Variants in EPHA10 observed in about 807,000 individuals in gnomAD.
The protein encoded by EPHA10 is EPH receptor A10, also known as ephrin type-A receptor 10.
In EPHA10, 120 loss-of-function variants were observed where a neutral mutation model predicts 109.7. The ratio of observed to expected loss-of-function variants is 1.09; its 90% confidence interval spans 0.94 to 1.27. The LOEUF is 1.27. EPHA10 is among the 50% of genes most tolerant of loss of function. EPHA10 has a pLI of 0.00. For synonymous variants in EPHA10, 640 were observed against 618.9 expected (o/e 1.03, Z -0.51); for missense variants, 1,396 against 1,411.1 (o/e 0.99, Z 0.17).
chr1:37,730,040 C>T lies in EPHA10; in HGVS notation c.1663+1371G>A, dbSNP rs189583998. ...GAGACCATCAGCCCTTCTCCACTGA[C>T]GGTCCCCAGCTCCTGCCCCCACTAC... On this transcript the variant is annotated intron_variant, in intron 7 of 16. Transcript: ENST00000373048. 5.5e-3 allele frequency among the ~76,000 whole-genome samples: 834 copies of T among 152,228 alleles called. 29 individuals carry two copies. Among genetic ancestry groups the T allele is most frequent in the Admixed American group, 0.051 (778 of 15,294 alleles).
chr1:37,735,362 C>T lies in EPHA10; in HGVS notation c.1386G>A (p.Arg462=). The T allele has an allele frequency of 1.3e-6, 2 of 1,578,924 alleles. No homozygotes were observed. Among genetic ancestry groups the T allele is most frequent in the Non-Finnish European group, 1.7e-6 (2 of 1,162,372 alleles). ...GAPWEEDEIR[R]DRVEPQSVSL... is the part of the protein sequence containing the mutation. The stretch of plus-strand genomic sequence containing the variant: ...ACACGCTCTGGGGTTCCACTCGGTC[C>T]CTGCGGATCTCATCCTCCTCCCAGG... The change falls in exon 6 of 17, where the codon AGG becomes AGA. Residue 462 remains arginine (R), a synonymous_variant. Transcript: ENST00000373048.
At chr1:37,751,670 G>C (rs1271938089) in intron 5 of EPHA10, among the ~76,000 whole-genome samples, 4 of 151,230 alleles carry the variant, frequency 2.6e-5, no homozygotes, top group African/African-American at 9.7e-5. Flanking sequence ...TTGAGAGTTG[G>C]AGACCATCCT....
intron 2 of EPHA10, among the ~76,000 whole-genome samples, 200 bp downstream of exon 2, chr1:37,762,585 C>CTTTT (rs34513765): frequency 6.4e-4 from 91 of 141,592 alleles, no homozygotes; most frequent in African/African-American, 2.1e-3. Flanking sequence ...CACTTATTCA[C>CTTTT]TTTTTTTTTT....
intron 1 of EPHA10, among the ~76,000 whole-genome samples, chr1:37,763,853 A>C (rs1240837154): frequency 6.6e-6 from 1 of 152,210 alleles, no homozygotes; most frequent in Non-Finnish European, 1.5e-5. Flanking sequence ...AACTGGAGAA[A>C]TAAAATCTCT....
intron 5 of EPHA10, among the ~76,000 whole-genome samples, chr1:37,740,973 CAAG>C (rs1438888729): frequency 6.6e-6 from 1 of 152,160 alleles, no homozygotes; most frequent in East Asian, 1.9e-4. Flanking sequence ...AGAAGCTTGA[CAAG>C]GAGGAGCCAG....
Position 37,754,221 on chromosome 1 carries a change from AG to A in EPHA10, c.999del (p.Cys334AlafsTer15), listed in dbSNP as rs1646372773. 7.7e-6 allele frequency: 10 copies of A among 1,296,668 alleles called. No individual in the cohort carries two copies. Among genetic ancestry groups the A allele is most frequent in the Non-Finnish European group, 8.9e-6 (9 of 1,015,766 alleles). The allele number at this position is 1,296,668 out of a possible 1,614,324, so 80.3% of individuals were successfully genotyped here. On this transcript the variant is annotated frameshift_variant, in exon 4 of 17. Transcript: ENST00000373048. LOFTEE classifies it high-confidence loss of function. The surrounding 1 kb of genome is among the most constrained non-coding windows in gnomAD (Gnocchi z 4.5). ...GCCTGGAGGGGGGACTCACGGGTGC[AG>A]GAAGCCGAGGGCGGGTCGGTGGGTG... ...ARSPTDPPSA[S>X]CTRPPSAPRD...
At position 37,720,778 on chromosome 1, in the gene EPHA10, C is replaced by T. The variant is rs755570379; in HGVS notation, c.2208+5G>A. ...GTGGTCATTGGCAGCCCCAGGGCCA[C>T]TCACCCTGAGGAAGCCGTCCAGGGC... is the stretch of plus-strand genomic sequence containing the variant. On this transcript the variant is annotated splice_donor_5th_base_variant and intron_variant, in intron 12 of 16. Transcript: ENST00000373048. The T allele has an allele frequency of 1.5e-4, 248 of 1,613,860 alleles. No homozygotes were observed. The highest frequency in any genetic ancestry group is 2.0e-4 in the Non-Finnish European group (233 of 1,179,936).
At chr1:37,736,340 G>C (rs1295507307) in intron 5 of EPHA10, among the ~76,000 whole-genome samples, 1 of 152,134 alleles carries the variant, frequency 6.6e-6, no homozygotes, top group Non-Finnish European at 1.5e-5. Flanking sequence ...AGCCAGGCAT[G>C]GTGGTACATG....
Position 37,753,128 on chromosome 1 carries a change from A to G in EPHA10, c.1105T>C (p.Ser369Pro). The change falls in exon 5 of 17, where the codon TCG (serine) becomes CCG (proline). Residue 369 changes from serine (S) to proline (P), a missense_variant. Transcript: ENST00000373048. ...WLPPADSGGR[S>P]DVTYSLLCLR... ...CACAGCAGCGAGTAGGTGACGTCCGAGCGGCCTCCCGAGTCGGCCGGCGGC... is the reference window on the plus strand; with the variant it reads ...CACAGCAGCGAGTAGGTGACGTCCGGGCGGCCTCCCGAGTCGGCCGGCGGC... The G allele has an allele frequency of 7.1e-7, 1 of 1,405,840 alleles. No homozygotes were observed. Among genetic ancestry groups the G allele is most frequent in the Non-Finnish European group, 9.3e-7 (1 of 1,079,514 alleles). 87.1% of individuals were successfully genotyped at this position (1,405,840 alleles called of 1,614,324 possible).
rs1646137000 is a variant in EPHA10 at position 37,740,465 on chromosome 1, C to T, written c.1358-5075G>A. ...GGACTACAGGTGCCCGCCACCACGC[C>T]CAGCTAATTTTTTGTATTTTTAGTA... is the stretch of plus-strand genomic sequence containing the variant. On this transcript the variant is annotated intron_variant, in intron 5 of 16. Coordinates refer to ENST00000373048, the MANE Select transcript of EPHA10 (RefSeq NM_001099439.2). Among the ~76,000 whole-genome samples, 3 of 152,132 alleles carry T rather than the reference C, an allele frequency of 2.0e-5. No homozygotes were observed. In the South Asian group the frequency reaches 6.2e-4, roughly 32 times the overall value.
In EPHA10 at chr1:37,761,650, A is replaced by G. The variant is rs1168550358; in HGVS notation, c.605T>C (p.Val202Ala). The G allele has an allele frequency of 6.2e-7, 1 of 1,607,264 alleles. No homozygotes were observed. Among genetic ancestry groups the G allele is most frequent in the Admixed American group, 1.7e-5 (1 of 59,994 alleles). Reference protein sequence around the residue: ...FQDVGACVALVSVRVYYKQCR... With the variant: ...FQDVGACVALASVRVYYKQCR... ...CTGCTTGTAGTAGACGCGCACCGAG[A>G]CAAGCGCCACGCATGCGCCCACGTC... The change falls in exon 3 of 17, where the codon GTC becomes GCC. Residue 202 changes from valine to alanine, a missense_variant. Val to Ala is a moderately conservative substitution (Grantham distance 64, BLOSUM62 0). Coordinates refer to ENST00000373048, the MANE Select transcript of EPHA10 (RefSeq NM_001099439.2).
intron 6 of EPHA10, 29 bp downstream of exon 6, chr1:37,735,228 C>T (rs376194308): frequency 1.1e-5 from 17 of 1,560,140 alleles, no homozygotes; most frequent in Non-Finnish European, 1.5e-5. Flanking sequence ...GCGGGGCAGG[C>T]TCCAGGTCCC....
chr1:37,723,501 G>T, intron 8 of EPHA10, 129 bp from the exon 9 acceptor site: 1 of 1,029,856 alleles, frequency 9.7e-7, no homozygotes, highest in South Asian at 1.7e-5. Flanking sequence ...GGAACTTCTT[G>T]TCCAGCTGGT....
chr1:37,734,124 T>C (rs1646031576), intron 6 of EPHA10, among the ~76,000 whole-genome samples: 2 of 152,218 alleles, frequency 1.3e-5, no homozygotes, highest in African/African-American at 2.4e-5. Flanking sequence ...CCTCATGTCA[T>C]TGAGGAGTGA....
intron 5 of EPHA10, among the ~76,000 whole-genome samples, chr1:37,751,188 G>A (rs1409542548): frequency 8.6e-6 from 1 of 115,824 alleles, no homozygotes; most frequent in Non-Finnish European, 1.7e-5. Flanking sequence ...GGGCAACAGA[G>A]CGAGACTCCT....
chr1:37,763,981 C>A (rs1305998205), intron 1 of EPHA10, among the ~76,000 whole-genome samples: 2 of 152,172 alleles, frequency 1.3e-5, no homozygotes, highest in Non-Finnish European at 2.9e-5. Context: ...CTTGAAGTCC[C>A]TTTATTCCCC....
At chr1:37,723,851 C>T (rs1421360577) in intron 8 of EPHA10, among the ~76,000 whole-genome samples, 5 of 152,250 alleles carry the variant, frequency 3.3e-5, no homozygotes, top group African/African-American at 1.2e-4. Context: ...CAGGCCTGAC[C>T]TGATCCAAGG....
At chr1:37,724,493 C>A (rs541991172) in intron 8 of EPHA10, among the ~76,000 whole-genome samples, 1 of 152,072 alleles carries the variant, frequency 6.6e-6, no homozygotes, top group Admixed American at 6.6e-5. Flanking sequence ...GAAACCCCAA[C>A]ATCTAGGCTA....
rs766274598 is a variant in EPHA10, at chr1:37,719,923, T to C, written c.2548A>G (p.Met850Val). 4 of 1,613,980 alleles carry C rather than the reference T, an allele frequency of 2.5e-6. No individual in the cohort carries two copies. Among genetic ancestry groups the C allele is most frequent in the Non-Finnish European group, 3.4e-6 (4 of 1,180,022 alleles). ...MAFGERPYWDMSGQDVIKAVE... is the reference protein window; with the variant it reads ...MAFGERPYWDVSGQDVIKAVE... ...GGGTTACTCACGTCTTGGCCAGACA[T>C]GTCCCAGTAAGGCCGCTCCCCAAAG... The change falls in exon 14 of 17, where the codon ATG (methionine) becomes GTG (valine). Residue 850 changes from methionine (M) to valine (V), a missense_variant. Physicochemically the swap from Met to Val is conservative, Grantham distance 21. Coordinates refer to ENST00000373048, the MANE Select transcript of EPHA10 (RefSeq NM_001099439.2).
Sources: allele counts gnomAD v4.1 joint callset (sites outside exome capture counted in the v4.1 genomes callset), GRCh38; gene constraint gnomAD v4.1.1; non-coding constraint Gnocchi (gnomAD v3.1); transcripts MANE v1.5; gene names NCBI Gene and HGNC (gene_info 2026-07-23, HGNC 2026-07-21).